The following CFAP299 variants were observed in gnomAD, a reference collection of about 807,000 sequenced individuals.
CFAP299 encodes the protein cilia- and flagella-associated protein 299.
In CFAP299, 21 loss-of-function variants were observed where a neutral mutation model predicts 27.0. That is an observed-to-expected ratio of 0.78 (90% CI 0.55 to 1.12). The LOEUF (loss-of-function observed/expected upper bound fraction) is 1.12. CFAP299 is among the 50% of genes most tolerant of loss of function. The pLI, the probability that CFAP299 is intolerant of heterozygous loss-of-function variation, is 0.00. For synonymous variants in CFAP299, 104 were observed against 98.1 expected (o/e 1.06, Z -0.36); for missense variants, 310 against 276.6 (o/e 1.12, Z -0.86).
At chr4:80,553,327 TTC>T (rs1414392423) in intron 2 of CFAP299, among the ~76,000 whole-genome samples, 2 of 152,172 alleles carry the variant, frequency 1.3e-5, no homozygotes, top group Admixed American at 6.5e-5. Flanking sequence ...CAGGATCCCA[TTC>T]TGTTTTATGG....
intron 2 of CFAP299, among the ~76,000 whole-genome samples, chr4:80,368,449 T>G (rs1723954255): frequency 6.6e-6 from 1 of 152,240 alleles, no homozygotes; most frequent in Non-Finnish European, 1.5e-5. Flanking sequence ...TTTTTTCTGC[T>G]ATAATGTATA....
intron 2 of CFAP299, among the ~76,000 whole-genome samples, chr4:80,479,742 C>T (rs1214969183): frequency 1.3e-5 from 2 of 151,850 alleles, no homozygotes; most frequent in African/African-American, 2.4e-5. Flanking sequence ...CTTATTGTAA[C>T]ATTATGCAGA....
At chr4:80,708,641 A>T (rs2110034278) in intron 3 of CFAP299, among the ~76,000 whole-genome samples, 1 of 152,274 alleles carries the variant, frequency 6.6e-6, no homozygotes, top group African/African-American at 2.4e-5. Flanking sequence ...GTGAGTACAT[A>T]TGCATCTCTT....
chr4:80,653,271 A>G (rs1057227837), intron 3 of CFAP299, among the ~76,000 whole-genome samples: 2 of 152,160 alleles, frequency 1.3e-5, no homozygotes, highest in African/African-American at 4.8e-5. Context: ...CACAGGAGAT[A>G]TCCTAAAGCC....
chr4:80,503,348 C>T (rs984261716), intron 2 of CFAP299, among the ~76,000 whole-genome samples: 1 of 152,036 alleles, frequency 6.6e-6, no homozygotes, highest in African/African-American at 2.4e-5. Context: ...GGATTGTCTT[C>T]CTCCTCTATT....
intron 3 of CFAP299, among the ~76,000 whole-genome samples, chr4:80,586,277 A>C (rs1736435057): frequency 2.0e-5 from 3 of 152,046 alleles, no homozygotes; most frequent in Non-Finnish European, 2.9e-5. Flanking sequence ...ATAATAAAGG[A>C]GTGTTATAAC....
rs184541394 is a variant in CFAP299, at chr4:80,348,761, G to C, written c.111+12882G>C. ...GTGGTATTTTCTTATGGGAGCCCTG[G>C]CTCCCATATATATGAAATACCGAGG... On this transcript the variant is annotated intron_variant, in intron 1 of 5. Transcript: ENST00000358105. Among the ~76,000 whole-genome samples, 6 of 152,244 alleles carry C rather than the reference G, an allele frequency of 3.9e-5. No homozygotes were observed. In the East Asian group the frequency reaches 1.2e-3, roughly 29 times the overall value.
intron 2 of CFAP299, among the ~76,000 whole-genome samples, chr4:80,450,982 G>C (rs890648433): frequency 1.4e-4 from 21 of 151,718 alleles, no homozygotes; most frequent in African/African-American, 4.6e-4. Flanking sequence ...CAGCCCTGTA[G>C]GTAGCAGCCA....
At chr4:80,659,058 A>T (rs1302990304) in intron 3 of CFAP299, among the ~76,000 whole-genome samples, 5 of 152,280 alleles carry the variant, frequency 3.3e-5, no homozygotes, top group Admixed American at 6.5e-5. Flanking sequence ...TTAATTTCAA[A>T]TTTTGGCTTT....
intron 2 of CFAP299, among the ~76,000 whole-genome samples, chr4:80,533,043 C>T (rs1158876300): frequency 6.6e-6 from 1 of 152,122 alleles, no homozygotes; most frequent in Admixed American, 6.6e-5. Flanking sequence ...AACAATATCC[C>T]AACCTTATGT....
chr4:80,514,119 C>T (rs72874095), intron 2 of CFAP299, among the ~76,000 whole-genome samples: 11,375 of 151,750 alleles, frequency 0.075, 611 homozygotes, highest in East Asian at 0.25. Flanking sequence ...TTTTTAAGGT[C>T]GTGTTAGAAA....
chr4:80,735,085 TGGA>T (rs1180709786), intron 3 of CFAP299, among the ~76,000 whole-genome samples: 2 of 152,146 alleles, frequency 1.3e-5, no homozygotes, highest in Non-Finnish European at 2.9e-5. Context: ...ATCCATGAAC[TGGA>T]ATATCTTTCC....
At chr4:80,942,439 T>A (rs1345637274) in intron 4 of CFAP299, among the ~76,000 whole-genome samples, 1 of 152,096 alleles carries the variant, frequency 6.6e-6, no homozygotes, top group African/African-American at 2.4e-5. Flanking sequence ...TCATTAGACT[T>A]ATAACGGTAC....
chr4:80,382,951 C>T (rs7689459), intron 2 of CFAP299, among the ~76,000 whole-genome samples: 10,015 of 152,108 alleles, frequency 0.066, 812 homozygotes, highest in African/African-American at 0.19. Flanking sequence ...CAATGACAGA[C>T]TGGATAAAGA....
At chr4:80,828,578 A>C (rs1416251580) in intron 3 of CFAP299, among the ~76,000 whole-genome samples, 1 of 151,836 alleles carries the variant, frequency 6.6e-6, no homozygotes, top group Non-Finnish European at 1.5e-5. Context: ...TTCTCATGAC[A>C]TCTGGTCATT....
At chr4:80,673,753 C>T (rs1462545239) in intron 3 of CFAP299, among the ~76,000 whole-genome samples, 1 of 151,880 alleles carries the variant, frequency 6.6e-6, no homozygotes, top group Non-Finnish European at 1.5e-5. Context: ...TGAATTGATC[C>T]CTTTACCATC....
chr4:80,944,846 T>C lies in CFAP299; in HGVS notation c.513T>C (p.Asn171=), dbSNP rs1485553634. The part of the protein sequence containing the change: ...YNWDADIAVS[N]SSPNYQVIAD... ...GGGACGCTGATATTGCTGTTAGTAA[T>C]TCAAGTCCCAACTATCAAGTGATTG... is the stretch of plus-strand genomic sequence containing the variant. Residue 171 remains asparagine (N), a synonymous_variant, in exon 5 of 6, where the codon AAT becomes AAC. Coordinates refer to ENST00000358105, the MANE Select transcript of CFAP299 (RefSeq NM_152770.3). 6.2e-7 allele frequency: 1 copy of C among 1,610,580 alleles called. No individual in the cohort carries two copies. Among genetic ancestry groups the C allele is most frequent in the Non-Finnish European group, 8.5e-7 (1 of 1,177,354 alleles).
intron 5 of CFAP299, among the ~76,000 whole-genome samples, chr4:80,953,419 T>G (rs1390321312): frequency 6.6e-6 from 1 of 152,186 alleles, no homozygotes; most frequent in Non-Finnish European, 1.5e-5. Context: ...CATTTTCTCC[T>G]CTGGGTAATC....
intron 3 of CFAP299, among the ~76,000 whole-genome samples, chr4:80,813,309 T>C (rs1319446438): frequency 6.6e-6 from 1 of 152,036 alleles, no homozygotes; most frequent in Non-Finnish European, 1.5e-5. Flanking sequence ...AGAAGCAATA[T>C]TCTAGCACTC....
Sources: gnomAD v4.1 joint callset for allele counts (sites outside exome capture counted in the v4.1 genomes callset) on GRCh38, gnomAD v4.1.1 for gene constraint, MANE v1.5 for transcripts, NCBI Gene and HGNC (gene_info 2026-07-23, HGNC 2026-07-21) for gene names.